Variants in RSU1 observed in about 807,000 individuals in gnomAD.
RSU1 encodes Ras suppressor protein 1.
RSU1 carries 26 observed loss-of-function variants against 31.1 expected under a neutral mutation model. The observed-to-expected ratio is 0.84, with a 90% CI of 0.61 to 1.16. RSU1 has a LOEUF of 1.16. RSU1 is among the 50% of genes most tolerant of loss of function. RSU1 has a pLI of 0.00. For synonymous variants in RSU1, 164 were observed against 136.3 expected (o/e 1.20, Z -1.41); for missense variants, 320 against 339.1 (o/e 0.94, Z 0.44).
chr10:16,621,737 G>T (rs188528243), intron 8 of RSU1, among the ~76,000 whole-genome samples: 26 of 152,172 alleles, frequency 1.7e-4, no homozygotes, highest in Non-Finnish European at 2.6e-4. Context: ...ACTATCACAA[G>T]AACAGCATGG....
chr10:16,705,315 C>G (rs1284817239), intron 7 of RSU1, among the ~76,000 whole-genome samples: 1 of 152,160 alleles, frequency 6.6e-6, no homozygotes, highest in African/African-American at 2.4e-5. Context: ...GCTCAAGTCT[C>G]TCATATAAAA....
chr10:16,648,135 T>TTTATTTTATTTTTTA lies in RSU1; in HGVS notation c.731+46887_731+46888insTAAAAAATAAAATAA, dbSNP rs1554763099. On this transcript the variant is annotated intron_variant, in intron 8 of 8. Transcript: ENST00000345264. ...GGCTAATTTAAAAAAAAAAAAAATT[T>TTTATTTTATTTTTTA]TTTTTTTTTTTTAAGAGACTAGGTC... Among the ~76,000 whole-genome samples the TTTATTTTATTTTTTA allele has an allele frequency of 9.3e-3, 1,400 of 150,278 alleles. 22 individuals are homozygous for TTTATTTTATTTTTTA. The highest frequency in any genetic ancestry group is 0.033 in the African/African-American group (1,315 of 40,280).
intron 8 of RSU1, among the ~76,000 whole-genome samples, chr10:16,654,708 G>T: frequency 6.6e-6 from 1 of 150,906 alleles, no homozygotes; most frequent in East Asian, 2.0e-4. Flanking sequence ...AAATGATTTA[G>T]TGTGAATTTA....
intron 8 of RSU1, among the ~76,000 whole-genome samples, chr10:16,598,914 C>A (rs1207152483): frequency 6.6e-6 from 1 of 152,124 alleles, no homozygotes; most frequent in Non-Finnish European, 1.5e-5. Flanking sequence ...AAATGAGTTT[C>A]TGGGATAAAT....
At chr10:16,670,313 C>A (rs1835083002) in intron 8 of RSU1, among the ~76,000 whole-genome samples, 1 of 152,146 alleles carries the variant, frequency 6.6e-6, no homozygotes, top group Non-Finnish European at 1.5e-5. Context: ...ATGCTAAAGA[C>A]CCCTTTTTAT....
chr10:16,649,472 A>G (rs145132995), intron 8 of RSU1, among the ~76,000 whole-genome samples: 1,943 of 152,296 alleles, frequency 0.013, 44 homozygotes, highest in African/African-American at 0.044. Context: ...CAGACTACTA[A>G]AAAAAGACAA....
intron 8 of RSU1, among the ~76,000 whole-genome samples, chr10:16,649,203 T>C (rs12260612): frequency 0.027 from 4,055 of 152,288 alleles, 183 homozygotes; most frequent in African/African-American, 0.091. Flanking sequence ...ACAAATACCC[T>C]AACAAAATGC....
intron 8 of RSU1, among the ~76,000 whole-genome samples, chr10:16,641,987 G>A (rs185525035): frequency 2.6e-4 from 40 of 152,268 alleles, no homozygotes; most frequent in Admixed American, 1.9e-3. Context: ...TCCTTTTAGC[G>A]CTGACAATCT....
At chr10:16,808,750 A>T (rs1187892099) in intron 2 of RSU1, among the ~76,000 whole-genome samples, 1 of 152,180 alleles carries the variant, frequency 6.6e-6, no homozygotes, top group Non-Finnish European at 1.5e-5. Context: ...CCCCAATCCC[A>T]AATACCTCAA....
intron 7 of RSU1, among the ~76,000 whole-genome samples, chr10:16,750,543 C>G (rs1279989354): frequency 3.9e-5 from 6 of 152,162 alleles, no homozygotes; most frequent in Admixed American, 1.3e-4. Flanking sequence ...GTAGGTTCAA[C>G]TAGACATTTT....
intron 8 of RSU1, among the ~76,000 whole-genome samples, chr10:16,682,090 T>C (rs918881147): frequency 3.9e-5 from 6 of 152,022 alleles, no homozygotes; most frequent in Non-Finnish European, 7.4e-5. Flanking sequence ...CACCAATCCA[T>C]AGATCTCCTG....
chr10:16,813,690 C>T (rs959845589), intron 2 of RSU1, among the ~76,000 whole-genome samples: 8 of 152,170 alleles, frequency 5.3e-5, no homozygotes, highest in Non-Finnish European at 8.8e-5. Context: ...CCACGTCTAT[C>T]CAAATCCAGG....
intron 8 of RSU1, among the ~76,000 whole-genome samples, chr10:16,598,685 G>A (rs886335300): frequency 6.6e-6 from 1 of 152,200 alleles, no homozygotes; most frequent in Non-Finnish European, 1.5e-5. Flanking sequence ...AGAAAAGCAA[G>A]GAAATGCTCT....
chr10:16,774,121 T>A (rs1452721753), intron 3 of RSU1, among the ~76,000 whole-genome samples: 1 of 151,516 alleles, frequency 6.6e-6, no homozygotes, highest in Non-Finnish European at 1.5e-5. Context: ...AAACTGCATA[T>A]GCCCATATGC....
chr10:16,785,467 T>C (rs1304330027), intron 2 of RSU1, among the ~76,000 whole-genome samples: 4 of 131,904 alleles, frequency 3.0e-5, no homozygotes, highest in Non-Finnish European at 6.2e-5. Flanking sequence ...TACATATATA[T>C]ATACACATAT....
intron 8 of RSU1, among the ~76,000 whole-genome samples, chr10:16,637,389 T>C (rs1213036195): frequency 6.6e-6 from 1 of 152,122 alleles, no homozygotes; most frequent in East Asian, 1.9e-4. Flanking sequence ...GCAGTGAACT[T>C]TGCTCCCCCA....
chr10:16,613,230 T>C (rs930434307), intron 8 of RSU1, among the ~76,000 whole-genome samples: 3 of 152,194 alleles, frequency 2.0e-5, no homozygotes, highest in Admixed American at 6.5e-5. Context: ...AAAGCCAATA[T>C]GAAAAATTCA....
intron 8 of RSU1, among the ~76,000 whole-genome samples, chr10:16,647,299 T>C (rs1012086357): frequency 1.3e-5 from 2 of 152,116 alleles, no homozygotes; most frequent in Admixed American, 6.5e-5. Context: ...ACATTGTGGA[T>C]AGGTATGTAA....
chr10:16,707,070 G>A (rs1391434928), intron 7 of RSU1, among the ~76,000 whole-genome samples: 1 of 152,178 alleles, frequency 6.6e-6, no homozygotes, highest in South Asian at 2.1e-4. Context: ...TGTGGCAAAT[G>A]AGAAGATTTC....
Sources: gnomAD v4.1 joint callset for allele counts (sites outside exome capture counted in the v4.1 genomes callset) on GRCh38, gnomAD v4.1.1 for gene constraint, MANE v1.5 for transcripts, NCBI Gene and HGNC (gene_info 2026-07-23, HGNC 2026-07-21) for gene names.